Variants in ADAM33 observed in about 807,000 individuals in gnomAD.
ADAM33 encodes ADAM metallopeptidase domain 33.
A neutral mutation model predicts 106.2 loss-of-function variants in ADAM33; 103 were observed. That is an observed-to-expected ratio of 0.97 (90% CI 0.83 to 1.14). The LOEUF (loss-of-function observed/expected upper bound fraction) is 1.14, where lower values mean the gene tolerates loss of function less well. ADAM33 is among the 50% of genes most tolerant of loss of function. The pLI is 0.00. For synonymous variants in ADAM33, 483 were observed against 453.0 expected (o/e 1.07, Z -0.84); for missense variants, 1,120 against 1,096.6 (o/e 1.02, Z -0.30).
At chr20:3,677,943 C>T (rs915491754) in intron 2 of ADAM33, among the ~76,000 whole-genome samples, 20 of 152,178 alleles carry the variant, frequency 1.3e-4, no homozygotes, top group African/African-American at 3.1e-4. Context: ...GCTGCGCCTT[C>T]GGAATGTTTA....
intron 20 of ADAM33, 82 bp downstream of exon 20, chr20:3,669,464 G>A: frequency 1.0e-5 from 16 of 1,543,496 alleles, no homozygotes; most frequent in Non-Finnish European, 1.4e-5. Context: ...GTGACTGGGT[G>A]CTGCCCATCT....
In ADAM33 at chr20:3,672,717, T is replaced by G; in HGVS notation, c.1311+4A>C. 1 of 1,583,760 alleles carries G rather than the reference T, an allele frequency of 6.3e-7. No individual in the cohort carries two copies. Among genetic ancestry groups the G allele is most frequent in the Non-Finnish European group, 8.6e-7 (1 of 1,163,674 alleles). On this transcript the variant is annotated splice_donor_region_variant and intron_variant, in intron 12 of 21. Coordinates refer to ENST00000356518, the MANE Select transcript of ADAM33 (RefSeq NM_025220.5). ...CAAGTGGGGGCCGGGCGAGCCGACTTAACCTGGCCAGGGCCGCAGTCACAC... is the reference window on the plus strand; with the variant it reads ...CAAGTGGGGGCCGGGCGAGCCGACTGAACCTGGCCAGGGCCGCAGTCACAC...
intron 19 of ADAM33, chr20:3,670,599 T>C: frequency 5.2e-6 from 1 of 193,968 alleles, no homozygotes; most frequent in Non-Finnish European, 1.1e-5. Context: ...AGGTGATTTG[T>C]GCAGAGGAAG....
At chr20:3,679,067 A>G (rs2088220287) in intron 2 of ADAM33, among the ~76,000 whole-genome samples, 1 of 150,626 alleles carries the variant, frequency 6.6e-6, no homozygotes, top group Non-Finnish European at 1.5e-5. Flanking sequence ...CAGGGCCCTG[A>G]GAGGGACAGC....
rs905206267 is a variant in ADAM33, at chr20:3,671,925, C to A, written c.1658G>T (p.Gly553Val). ...GCCCTCGCTGTCCTGGCCGCAGTTT[C>A]CATGAGCATCTCCCGCAGAGTTCAC... ...QVVNSAGDAH[G>V]NCGQDSEGHF... is the part of the protein sequence containing the mutation. Residue 553 changes from glycine to valine, a missense_variant, in exon 15 of 22, where the codon GGA (glycine) becomes GTA (valine). By Grantham distance (109) the Gly-to-Val change is moderately radical. Coordinates refer to ENST00000356518, the MANE Select transcript of ADAM33 (RefSeq NM_025220.5). The A allele has an allele frequency of 4.5e-6, 7 of 1,555,866 alleles. No homozygotes were observed. The highest frequency in any genetic ancestry group is 3.3e-4 in the Middle Eastern group (2 of 5,992).
chr20:3,680,185 G>A (rs889463781), intron 1 of ADAM33, among the ~76,000 whole-genome samples: 1 of 152,060 alleles, frequency 6.6e-6, no homozygotes, highest in Admixed American at 6.5e-5. Flanking sequence ...GCCTAAGGGG[G>A]CTCTAGGAGG....
rs770693089 is a variant in ADAM33 at position 3,679,540 on chromosome 20, G to T, written c.129C>A (p.His43Gln). 9.3e-6 allele frequency: 15 copies of T among 1,610,778 alleles called. No individual in the cohort carries two copies. Among genetic ancestry groups the T allele is most frequent in the Non-Finnish European group, 1.3e-5 (15 of 1,178,774 alleles). Residue 43 changes from histidine (H) to glutamine (Q), a missense_variant, in exon 2 of 22, where the codon CAC (histidine) becomes CAA (glutamine). Physicochemically the swap from His to Gln is conservative, Grantham distance 24. Transcript: ENST00000356518. ...GCCAGGGTTGTCCATCCAGGACCCA[G>T]TGCGGGGTGACTGGCTGCCCAGGGA... ...GHIPGQPVTP[H>Q]WVLDGQPWRT...
rs562826418 is a variant in ADAM33, at chr20:3,671,939, C to G, written c.1644G>C (p.Ala548=). 1.3e-6 allele frequency: 2 copies of G among 1,556,336 alleles called. No individual in the cohort carries two copies. Among genetic ancestry groups the G allele is most frequent in the East Asian group, 2.4e-5 (1 of 41,538 alleles). Residue 548 remains alanine (A), a synonymous_variant, in exon 15 of 22, where the codon GCG becomes GCC. Transcript: ENST00000356518. Reference sequence around the variant, plus strand: ...GGCCGCAGTTTCCATGAGCATCTCCCGCAGAGTTCACCACCTGGAAACAGG... The same window carrying G: ...GGCCGCAGTTTCCATGAGCATCTCCGGCAGAGTTCACCACCTGGAAACAGG... The part of the protein sequence containing the change: ...PEACFQVVNS[A]GDAHGNCGQD...
At chr20:3,681,453 G>A (rs2088483769) in intron 1 of ADAM33, among the ~76,000 whole-genome samples, 1 of 152,194 alleles carries the variant, frequency 6.6e-6, no homozygotes, top group African/African-American at 2.4e-5. Context: ...GAGCAAAGCA[G>A]GGACTCTGGG....
chr20:3,679,472 C>A lies in ADAM33; in HGVS notation c.177+20G>T, dbSNP rs559741947. 22 of 1,595,084 alleles carry A rather than the reference C, an allele frequency of 1.4e-5. No individual in the cohort carries two copies. The highest frequency in any genetic ancestry group is 1.9e-5 in the Non-Finnish European group (22 of 1,170,040). On this transcript the variant is annotated intron_variant, in intron 2 of 21. Coordinates refer to ENST00000356518, the MANE Select transcript of ADAM33 (RefSeq NM_025220.5). ...GGAGGTTCAGGGCCCCTGTGGAGGG[C>A]GGGGAGACATGGCACTGACCGGCTC...
chr20:3,672,972 T>A, intron 11 of ADAM33, 74 bp from the exon 12 acceptor site: 2 of 1,450,898 alleles, frequency 1.4e-6, no homozygotes, highest in Non-Finnish European at 1.8e-6. Context: ...TCCCCACCCC[T>A]GGGCTTGGCT....
Position 3,674,849 on chromosome 20 carries a change from C to A in ADAM33, c.334G>T (p.Asp112Tyr). The stretch of plus-strand genomic sequence containing the variant: ...ACTCGCCCTTGGTAGTGGCAATGAT[C>A]CTAGGGAGGAAGGGGCCAGCCCCAA... Reference protein sequence around the residue: ...QPVVLAPNHTDHCHYQGRVRG... With the variant: ...QPVVLAPNHTYHCHYQGRVRG... The change falls in exon 5 of 22, where the codon GAT becomes TAT. Residue 112 changes from aspartate (D) to tyrosine (Y), a missense_variant and splice_region_variant. Physicochemically the swap from Asp to Tyr is radical, Grantham distance 160. Transcript: ENST00000356518. 6.2e-7 allele frequency: 1 copy of A among 1,609,974 alleles called. No individual in the cohort carries two copies. The highest frequency in any genetic ancestry group is 8.5e-7 in the Non-Finnish European group (1 of 1,177,784).
chr20:3,674,385 C>A, intron 6 of ADAM33, 101 bp from the exon 7 acceptor site: 2 of 1,602,882 alleles, frequency 1.2e-6, no homozygotes, highest in Non-Finnish European at 1.7e-6. Flanking sequence ...TTTTCTGGAA[C>A]TTGTTTCTTC....
At position 3,673,608 on chromosome 20, in the gene ADAM33, A is replaced by G. The variant is rs2087718054; in HGVS notation, c.956T>C (p.Met319Thr). ...ATVGLAPVEG[M>T]CRAESSGGVS... ...GCCTCCCGAGCTCTCGGCGCGGCAC[A>G]TGCCCTCGACGGGCGCCAGGCCCAC... The change falls in exon 10 of 22, where the codon ATG (methionine) becomes ACG (threonine). Residue 319 changes from methionine (M) to threonine (T), a missense_variant. Coordinates refer to ENST00000356518, the MANE Select transcript of ADAM33 (RefSeq NM_025220.5). The G allele has an allele frequency of 2.2e-6, 3 of 1,365,168 alleles. No homozygotes were observed. Among genetic ancestry groups the G allele is most frequent in the South Asian group, 3.5e-5 (2 of 56,560 alleles). The allele number at this position is 1,365,168 out of a possible 1,614,324, so 84.6% of individuals were successfully genotyped here.
At chr20:3,680,910 G>A (rs575228999) in intron 1 of ADAM33, among the ~76,000 whole-genome samples, 2 of 152,150 alleles carry the variant, frequency 1.3e-5, no homozygotes, top group Non-Finnish European at 2.9e-5. Flanking sequence ...GTGAATGGGG[G>A]TGGAACCCGA....
intron 20 of ADAM33, 58 bp downstream of exon 20, chr20:3,669,488 A>G: frequency 1.3e-6 from 2 of 1,541,850 alleles, no homozygotes; most frequent in Non-Finnish European, 1.8e-6. Flanking sequence ...AGGAGGCAGG[A>G]GGCATGAGCC....
rs143227796 is a variant in ADAM33 at position 3,679,047 on chromosome 20, G to T, written c.177+445C>A. 2.1e-3 allele frequency among the ~76,000 whole-genome samples: 317 copies of T among 152,142 alleles called. 1 individual carries two copies. The highest frequency in any genetic ancestry group is 7.4e-3 in the African/African-American group (308 of 41,498). ...GGAGCCAGTGAGGCTGAAGGTTCAG[G>T]CCTTCGTGGCAGGGCCCTGAGAGGG... On this transcript the variant is annotated intron_variant, in intron 2 of 21. Transcript: ENST00000356518.
At position 3,673,640 on chromosome 20, in the gene ADAM33, G is replaced by A. The variant is rs578010452; in HGVS notation, c.924C>T (p.Gly308=). Reference sequence around the variant, plus strand: ...CGACGGGCGCCAGGCCCACTGTGGCGCCCTGGAAGGCGCGGCCCCTGGGGG... The same window carrying A: ...CGACGGGCGCCAGGCCCACTGTGGCACCCTGGAAGGCGCGGCCCCTGGGGG... ...AQLLTGRAFQ[G]ATVGLAPVEG... The change falls in exon 10 of 22, where the codon GGC becomes GGT. Residue 308 remains glycine, a synonymous_variant. Transcript: ENST00000356518. The A allele has an allele frequency of 5.0e-4, 680 of 1,349,878 alleles. 4 individuals carry two copies. In the African/African-American group the frequency reaches 5.1e-3, roughly 10 times the overall value. 83.6% of individuals were successfully genotyped at this position (1,349,878 alleles called of 1,614,324 possible).
Position 3,672,391 on chromosome 20 carries a change from C to A in ADAM33, c.1402-62G>T. On this transcript the variant is annotated intron_variant, in intron 13 of 21. Transcript: ENST00000356518. ...GGCCACGTGCAGTGAGAGGTCCATG[C>A]CGAGAGCGCGGCTCGGAGCTGGGGG... is the stretch of plus-strand genomic sequence containing the variant. The A allele has an allele frequency of 1.9e-6, 3 of 1,586,296 alleles. No homozygotes were observed. In the South Asian group the frequency reaches 3.4e-5, roughly 18 times the overall value.
Sources: allele counts gnomAD v4.1 joint callset (sites outside exome capture counted in the v4.1 genomes callset), GRCh38; gene constraint gnomAD v4.1.1; transcripts MANE v1.5; gene names NCBI Gene and HGNC (gene_info 2026-07-23, HGNC 2026-07-21).